Variants in WDR64 observed in about 807,000 individuals in gnomAD.
The protein encoded by WDR64 is WD repeat-containing protein 64.
Under a neutral mutation model 139.3 loss-of-function variants are expected in WDR64, and 112 were observed. The ratio of observed to expected loss-of-function variants is 0.80; its 90% CI spans 0.69 to 0.94. The LOEUF is 0.94. Ranked by LOEUF, WDR64 falls within the 40% of genes least tolerant of loss-of-function variation. The pLI is 0.00. For synonymous variants in WDR64, 444 were observed against 437.7 expected (o/e 1.01, Z -0.18); for missense variants, 1,206 against 1,293.1 (o/e 0.93, Z 1.03).
Position 241,776,547 on chromosome 1 carries a change from T to C in WDR64, c.2536+1337T>C, listed in dbSNP as rs111546487. Among the ~76,000 whole-genome samples the C allele has an allele frequency of 4.0e-3, 615 of 152,290 alleles. 4 individuals carry two copies. The highest frequency in any genetic ancestry group is 0.014 in the African/African-American group (594 of 41,568). ...CCTGGAGTTTTTTGGGTTTTGTTTG[T>C]TTTTTGCTTACCACCAATCCTTTTA... On this transcript the variant is annotated intron_variant, in intron 21 of 27. Transcript: ENST00000437684.
At chr1:241,706,619 T>G (rs953583010) in intron 8 of WDR64, among the ~76,000 whole-genome samples, 1 of 152,254 alleles carries the variant, frequency 6.6e-6, no homozygotes, top group Non-Finnish European at 1.5e-5. Flanking sequence ...GAAGGATAAC[T>G]ACTTACAAAG....
intron 14 of WDR64, among the ~76,000 whole-genome samples, chr1:241,753,114 A>G (rs1189955003): frequency 1.3e-5 from 2 of 152,172 alleles, no homozygotes; most frequent in African/African-American, 4.8e-5. Context: ...TCAAAGCTTT[A>G]AAAAATGGAA....
chr1:241,691,294 T>C (rs897601435), intron 8 of WDR64, among the ~76,000 whole-genome samples: 4 of 152,098 alleles, frequency 2.6e-5, no homozygotes, highest in African/African-American at 9.7e-5. Context: ...ATAACAAATA[T>C]AGTAGATATT....
chr1:241,789,347 T>C (rs1366362457), intron 24 of WDR64, among the ~76,000 whole-genome samples: 1 of 152,174 alleles, frequency 6.6e-6, no homozygotes, highest in African/African-American at 2.4e-5. Flanking sequence ...TAAACAGAAA[T>C]ATCATTCAAC....
Position 241,660,539 on chromosome 1 carries a change from G to T in WDR64, c.155G>T (p.Gly52Val). The T allele has an allele frequency of 6.4e-7, 1 of 1,551,576 alleles. No homozygotes were observed. The highest frequency in any genetic ancestry group is 1.4e-5 in the African/African-American group (1 of 73,108). The stretch of plus-strand genomic sequence containing the variant: ...ACTTTTTTCAATGCAGATGCAATTG[G>T]TTATGACAAGTTTTATGCATCGGTA... ...GLFIHKEDAI[G>V]YDKFYASVQK... is the part of the protein sequence containing the mutation. Residue 52 changes from glycine (G) to valine (V), a missense_variant, in exon 2 of 28, where the codon GGT becomes GTT. Physicochemically the swap from Gly to Val is moderately radical, Grantham distance 109. Transcript: ENST00000437684.
Position 241,719,744 on chromosome 1 carries a change from T to C in WDR64, c.1055-3553T>C, listed in dbSNP as rs372943333. The stretch of plus-strand genomic sequence containing the variant: ...TCCTAATGGGTGGCCCAATATATAA[T>C]ATCAGATTAACTAGAATTACTATTT... On this transcript the variant is annotated intron_variant, in intron 9 of 27. Coordinates refer to ENST00000437684, the MANE Select transcript of WDR64 (RefSeq NM_001367482.1). Among the ~76,000 whole-genome samples, 15 of 152,308 alleles carry C rather than the reference T, an allele frequency of 9.8e-5. No homozygotes were observed. In the East Asian group the frequency reaches 2.7e-3, roughly 27 times the overall value.
chr1:241,750,792 T>G (rs1183424194), intron 14 of WDR64, among the ~76,000 whole-genome samples: 1 of 152,302 alleles, frequency 6.6e-6, no homozygotes, highest in African/African-American at 2.4e-5. Flanking sequence ...CTTATTTATA[T>G]TTGTATTCTT....
At chr1:241,740,300 A>C (rs1220008676) in intron 11 of WDR64, among the ~76,000 whole-genome samples, 1 of 152,224 alleles carries the variant, frequency 6.6e-6, no homozygotes, top group African/African-American at 2.4e-5. Flanking sequence ...ATTCTGAATG[A>C]AGTCAGTTAC....
chr1:241,695,309 G>C (rs1004732619), intron 8 of WDR64, among the ~76,000 whole-genome samples: 1 of 152,032 alleles, frequency 6.6e-6, no homozygotes, highest in Non-Finnish European at 1.5e-5. Context: ...GTACAATGGC[G>C]CACAACTATA....
At position 241,738,344 on chromosome 1, in the gene WDR64, G is replaced by A; in HGVS notation, c.1195-19G>A. ...AGGTGAGTATAAATAGTGGTAAACTGTGTTTGTTATTCTTCCAGGTTTTCC... is the reference window on the plus strand; with the variant it reads ...AGGTGAGTATAAATAGTGGTAAACTATGTTTGTTATTCTTCCAGGTTTTCC... On this transcript the variant is annotated intron_variant, in intron 10 of 27. Coordinates refer to ENST00000437684, the MANE Select transcript of WDR64 (RefSeq NM_001367482.1). 1.9e-6 allele frequency: 3 copies of A among 1,609,894 alleles called. No individual in the cohort carries two copies. Among genetic ancestry groups the A allele is most frequent in the Non-Finnish European group, 2.5e-6 (3 of 1,178,690 alleles).
At chr1:241,773,604 G>T (rs1027342684) in intron 20 of WDR64, among the ~76,000 whole-genome samples, 2 of 152,060 alleles carry the variant, frequency 1.3e-5, no homozygotes, top group African/African-American at 4.8e-5. Flanking sequence ...AGTAGCTGAG[G>T]CTATAGGCGT....
chr1:241,762,577 A>C (rs958806901), intron 15 of WDR64, among the ~76,000 whole-genome samples: 1 of 152,152 alleles, frequency 6.6e-6, no homozygotes, highest in African/African-American at 2.4e-5. Flanking sequence ...CTAATATTAT[A>C]GTACTCTAAT....
chr1:241,761,871 C>T (rs1013931306), intron 15 of WDR64, among the ~76,000 whole-genome samples: 2 of 152,158 alleles, frequency 1.3e-5, no homozygotes, highest in African/African-American at 4.8e-5. Flanking sequence ...CAGCAAGTTA[C>T]GCTTCGCTTC....
intron 8 of WDR64, among the ~76,000 whole-genome samples, chr1:241,702,521 GA>G (rs11338254): frequency 0.26 from 36,263 of 141,734 alleles, 4,722 homozygotes; most frequent in East Asian, 0.53. Context: ...AAATTTAAAG[GA>G]AAAAAAAAAA....
At position 241,769,617 on chromosome 1, in the gene WDR64, T is replaced by A. The variant is rs557350736; in HGVS notation, c.2183+112T>A. 25 of 932,440 alleles carry A rather than the reference T, an allele frequency of 2.7e-5. No homozygotes were observed. In the South Asian group the frequency reaches 3.4e-4, roughly 13 times the overall value. The allele number at this position is 932,440 out of a possible 1,614,324, so 57.8% of individuals were successfully genotyped here. A position where few individuals can be genotyped will look rare whatever the true frequency, so the allele number is the denominator to read the frequency against. On this transcript the variant is annotated intron_variant, in intron 17 of 27. Transcript: ENST00000437684. ...TGCCATTGAAAGTAATAGAAAGAGT[T>A]TACTTCATCCCAGCATTAAAGAAGG...
chr1:241,730,373 G>C lies in WDR64; in HGVS notation c.1194+6937G>C, dbSNP rs548958619. Reference sequence around the variant, plus strand: ...TAACCAGGAGCTCTTAGCTATGATTGCACATTTGCTTAAGATGAGGCAGGC... The same window carrying C: ...TAACCAGGAGCTCTTAGCTATGATTCCACATTTGCTTAAGATGAGGCAGGC... On this transcript the variant is annotated intron_variant, in intron 10 of 27. Transcript: ENST00000437684. Among the ~76,000 whole-genome samples the C allele has an allele frequency of 2.6e-5, 4 of 152,268 alleles. No individual in the cohort carries two copies. In the South Asian group the frequency reaches 8.3e-4, roughly 32 times the overall value.
At chr1:241,744,611 G>T in intron 13 of WDR64, 95 bp downstream of exon 13, 1 of 1,523,710 alleles carries the variant, frequency 6.6e-7, no homozygotes. Flanking sequence ...AGGAGAGCAT[G>T]AAGCAGGCTG....
At chr1:241,705,574 T>G (rs1574026614) in intron 8 of WDR64, among the ~76,000 whole-genome samples, 1 of 146,954 alleles carries the variant, frequency 6.8e-6, no homozygotes, top group Admixed American at 6.8e-5. Context: ...ATAATAATAA[T>G]AATAATAATA....
At chr1:241,681,191 C>T (rs139312121) in intron 6 of WDR64, among the ~76,000 whole-genome samples, 17 of 151,984 alleles carry the variant, frequency 1.1e-4, no homozygotes, top group South Asian at 2.1e-4. Context: ...TCTTTAGTGG[C>T]GATTTGTGAG....
Sources: allele counts gnomAD v4.1 joint callset (sites outside exome capture counted in the v4.1 genomes callset), GRCh38; gene constraint gnomAD v4.1.1; transcripts MANE v1.5; gene names NCBI Gene and HGNC (gene_info 2026-07-23, HGNC 2026-07-21).